Variants in SMAD2 observed in about 807,000 individuals in gnomAD.
The protein encoded by SMAD2 is MAD homolog 2.
In SMAD2, 8 loss-of-function variants were observed where a neutral mutation model predicts 64.4. The observed-to-expected ratio is 0.12, with a 90% CI of 0.07 to 0.22. SMAD2 has a LOEUF of 0.22. Among genes scored for constraint, SMAD2 ranks in the 10% least tolerant of loss-of-function variants. The pLI, the probability that SMAD2 is intolerant of heterozygous loss-of-function variation, is 1.00. For missense variants in SMAD2, 289 were observed against 561.2 expected (o/e 0.51, Z 4.90); for synonymous variants, 203 against 195.8 (o/e 1.04, Z -0.31).
At chr18:47,883,010 G>C (rs564372742) in intron 2 of SMAD2, among the ~76,000 whole-genome samples, 130 of 152,146 alleles carry the variant, frequency 8.5e-4, no homozygotes, top group African/African-American at 3.0e-3. Flanking sequence ...TCTTTTTCTT[G>C]ATCAGTCTAA....
Position 47,851,339 on chromosome 18 carries a change from G to C in SMAD2, c.731-12C>G. 2 of 1,587,228 alleles carry C rather than the reference G, an allele frequency of 1.3e-6. No homozygotes were observed. On this transcript the variant is annotated splice_polypyrimidine_tract_variant and intron_variant, in intron 6 of 10. Transcript: ENST00000262160. ...TTCTGCTGGAGAGCCTAAAACAAAA[G>C]GATTTAAAAATAAATGAAGTATTTC...
chr18:47,865,184 CT>C, intron 5 of SMAD2, 51 bp from the exon 6 acceptor site: 1 of 942,254 alleles, frequency 1.1e-6, no homozygotes. Flanking sequence ...ATCTCACTAC[CT>C]TTTCTCTCAG....
chr18:47,917,256 A>C (rs2034374667), intron 1 of SMAD2, among the ~76,000 whole-genome samples: 1 of 152,200 alleles, frequency 6.6e-6, no homozygotes, highest in African/African-American at 2.4e-5. Context: ...AAAATTTTCT[A>C]CTACGATTAT....
At chr18:47,862,878 ATACAATAC>A (rs2031287401) in intron 6 of SMAD2, among the ~76,000 whole-genome samples, 1 of 152,212 alleles carries the variant, frequency 6.6e-6, no homozygotes, top group South Asian at 2.1e-4. Flanking sequence ...GGGACTGATT[ATACAATAC>A]TACAAAGGTT....
At position 47,827,393 on chromosome 18, in the gene SMAD2, T is replaced by A. The variant is rs774580578; in HGVS notation, c.*14434A>T. ...AATACCTCTCTCCAGCCAATCACTA[T>A]GTAAATTGTGAATTAAGACATTATT... On this transcript the variant is annotated 3_prime_UTR_variant, in exon 11 of 11. Coordinates refer to ENST00000262160, the MANE Select transcript of SMAD2 (RefSeq NM_005901.6). 1 of 152,208 alleles carries A rather than the reference T, an allele frequency of 6.6e-6. No homozygotes were observed. Among genetic ancestry groups the A allele is most frequent in the African/African-American group, 2.4e-5 (1 of 41,442 alleles). 9.4% of individuals were successfully genotyped at this position (152,208 alleles called of 1,614,324 possible). A position where few individuals can be genotyped will look rare whatever the true frequency, so the allele number is the denominator to read the frequency against.
At chr18:47,842,758 C>T (rs1914096195) in intron 10 of SMAD2, among the ~76,000 whole-genome samples, 1 of 152,206 alleles carries the variant, frequency 6.6e-6, no homozygotes, top group Non-Finnish European at 1.5e-5. Context: ...TGGAATTCAA[C>T]TTTCCCTGCC....
intron 6 of SMAD2, among the ~76,000 whole-genome samples, chr18:47,851,726 G>T (rs1230477483): frequency 6.6e-6 from 1 of 152,004 alleles, no homozygotes; most frequent in Non-Finnish European, 1.5e-5. Context: ...TGTTCACAAT[G>T]TGTTTCCTTA....
At chr18:47,845,627 G>A (rs2144289598) in intron 9 of SMAD2, 36 bp downstream of exon 9, 1 of 1,611,104 alleles carries the variant, frequency 6.2e-7, no homozygotes, top group African/African-American at 1.3e-5. Flanking sequence ...TAAGCAAGTT[G>A]ACATGATAGG....
chr18:47,909,967 A>G (rs540700056), intron 1 of SMAD2, among the ~76,000 whole-genome samples: 1 of 152,302 alleles, frequency 6.6e-6, no homozygotes, highest in Admixed American at 6.5e-5. Flanking sequence ...CGTCAATGTT[A>G]CAAAAAAGAA....
At chr18:47,880,985 T>C (rs1415670691) in intron 2 of SMAD2, among the ~76,000 whole-genome samples, 1 of 152,202 alleles carries the variant, frequency 6.6e-6, no homozygotes, top group African/African-American at 2.4e-5. Flanking sequence ...GTTGTGATTC[T>C]CCCAAGTCTT....
At position 47,810,062 on chromosome 18, in the gene SMAD2, T is replaced by C. The variant is rs1276085096; in HGVS notation, c.*31765A>G. The C allele has an allele frequency of 1.3e-5, 2 of 152,176 alleles. No homozygotes were observed. The highest frequency in any genetic ancestry group is 1.3e-4 in the Admixed American group (2 of 15,280). The allele number at this position is 152,176 out of a possible 1,614,324, so 9.4% of individuals were successfully genotyped here. ...TCTTTCAGACATGAAGTCAGAGGGC[T>C]TCTGCCATCCTGCCTGCCTAGACGA... On this transcript the variant is annotated 3_prime_UTR_variant, in exon 11 of 11. Transcript: ENST00000262160.
intron 2 of SMAD2, among the ~76,000 whole-genome samples, chr18:47,883,150 A>G (rs1329753006): frequency 1.3e-5 from 2 of 152,122 alleles, no homozygotes; most frequent in East Asian, 3.8e-4. Context: ...AGATTATTTA[A>G]AACTATAAAA....
chr18:47,864,823 T>C (rs534129837), intron 6 of SMAD2, among the ~76,000 whole-genome samples: 14 of 152,296 alleles, frequency 9.2e-5, no homozygotes, highest in African/African-American at 3.4e-4. Context: ...TTTCAAATTT[T>C]CATTTACTCT....
intron 1 of SMAD2, among the ~76,000 whole-genome samples, chr18:47,917,012 G>A (rs934187279): frequency 1.3e-5 from 2 of 151,978 alleles, no homozygotes; most frequent in African/African-American, 4.8e-5. Context: ...ACAGAGTCTC[G>A]CTGACACTAT....
At chr18:47,893,513 T>C (rs991174299) in intron 2 of SMAD2, among the ~76,000 whole-genome samples, 3 of 152,240 alleles carry the variant, frequency 2.0e-5, no homozygotes, top group African/African-American at 4.8e-5. Context: ...AACATTTTAC[T>C]TGAAATTCTG....
chr18:47,904,563 C>T lies in SMAD2; in HGVS notation c.-53-7754G>A, dbSNP rs776674258. Among the ~76,000 whole-genome samples, 65 of 151,982 alleles carry T rather than the reference C, an allele frequency of 4.3e-4. 1 individual carries two copies. Among genetic ancestry groups the T allele is most frequent in the Non-Finnish European group, 4.1e-4 (28 of 68,012 alleles). ...TGATACTGAAAAAGGGACAACAAGCCGGCTTGGGCCCAAGATCCCGTACTA... is the reference window on the plus strand; with the variant it reads ...TGATACTGAAAAAGGGACAACAAGCTGGCTTGGGCCCAAGATCCCGTACTA... On this transcript the variant is annotated intron_variant, in intron 1 of 10. Coordinates refer to ENST00000262160, the MANE Select transcript of SMAD2 (RefSeq NM_005901.6).
chr18:47,853,545 G>C (rs1445064513), intron 6 of SMAD2: 1 of 181,184 alleles, frequency 5.5e-6, no homozygotes, highest in Non-Finnish European at 1.1e-5. Flanking sequence ...AAAAAAAAGA[G>C]TAAGATAGGT....
At chr18:47,864,572 T>C (rs1343300384) in intron 6 of SMAD2, among the ~76,000 whole-genome samples, 1 of 152,184 alleles carries the variant, frequency 6.6e-6, no homozygotes, top group Non-Finnish European at 1.5e-5. Context: ...TTAATTTTTT[T>C]CTTCATCACT....
In SMAD2 at chr18:47,815,731, C is replaced by T. The variant is rs544812865; in HGVS notation, c.*26096G>A. On this transcript the variant is annotated 3_prime_UTR_variant, in exon 11 of 11. Coordinates refer to ENST00000262160, the MANE Select transcript of SMAD2 (RefSeq NM_005901.6). ...CAACAAGGTTTGTGTGAACTGGTCT[C>T]GACACACTTGGCTGTGAATAGCAGG... 12 of 152,282 alleles carry T rather than the reference C, an allele frequency of 7.9e-5. No homozygotes were observed. The South Asian group carries it at 2.3e-3, about 29-fold the overall frequency. The allele number at this position is 152,282 out of a possible 1,614,324, so 9.4% of individuals were successfully genotyped here. A position where few individuals can be genotyped will look rare whatever the true frequency, so the allele number is the denominator to read the frequency against.
Sources: allele counts gnomAD v4.1 joint callset (sites outside exome capture counted in the v4.1 genomes callset), GRCh38; gene constraint gnomAD v4.1.1; transcripts MANE v1.5; gene names NCBI Gene and HGNC (gene_info 2026-07-23, HGNC 2026-07-21).